The following HAO1 variants were observed in gnomAD, a reference collection of about 807,000 sequenced individuals.
The protein encoded by HAO1 is 2-Hydroxyacid oxidase 1.
A neutral mutation model predicts 39.7 loss-of-function variants in HAO1; 34 were observed. The ratio of observed to expected loss-of-function variants is 0.86; its 90% confidence interval spans 0.65 to 1.14. HAO1 has a LOEUF of 1.14. Ranked by LOEUF, HAO1 falls within the 50% of genes most tolerant of loss-of-function variation. HAO1 has a pLI of 0.00. For missense variants in HAO1, 479 were observed against 464.5 expected (o/e 1.03, Z -0.29); for synonymous variants, 172 against 173.2 (o/e 0.99, Z 0.05).
At chr20:7,910,545 C>T (rs1369541695) in intron 3 of HAO1, among the ~76,000 whole-genome samples, 2 of 152,146 alleles carry the variant, frequency 1.3e-5, no homozygotes, top group East Asian at 3.8e-4. Context: ...ATACCCCCTG[C>T]TTTCCCTGGT....
intron 3 of HAO1, among the ~76,000 whole-genome samples, chr20:7,910,391 A>G (rs1983560): frequency 0.55 from 84,017 of 152,104 alleles, 26,623 homozygotes; most frequent in East Asian, 0.99. Flanking sequence ...ACAGCAATAA[A>G]AATAACATGA....
chr20:7,924,194 G>GTGTTTTTGTTGTTGTTGTTGT (rs78746511), intron 2 of HAO1, among the ~76,000 whole-genome samples: 2 of 148,610 alleles, frequency 1.3e-5, no homozygotes, highest in African/African-American at 5.0e-5. Context: ...AGTTTGGGTT[G>GTGTTTTTGTTGTTGTTGTTGT]TGTTGTTGTT....
rs2050148530 is a variant in HAO1, at chr20:7,885,803, C to T, written c.875G>A (p.Gly292Glu). The T allele has an allele frequency of 5.0e-6, 8 of 1,613,374 alleles. No individual in the cohort carries two copies. The highest frequency in any genetic ancestry group is 6.8e-6 in the Non-Finnish European group (8 of 1,179,446). Reference protein sequence around the residue: ...VEGKVEVFLDGGVRKGTDVLK... With the variant: ...VEGKVEVFLDEGVRKGTDVLK... ...AACATCAGTGCCTTTCCGCACACCC[C>T]CGTCCAGGAAGACTTCCACCTTCCC... The change falls in exon 6 of 8, where the codon GGG (glycine) becomes GAG (glutamate). Residue 292 changes from glycine (G) to glutamate (E), a missense_variant. By Grantham distance (98) the Gly-to-Glu change is moderately conservative. Transcript: ENST00000378789.
chr20:7,886,339 A>T (rs1046600339), intron 5 of HAO1, among the ~76,000 whole-genome samples: 22 of 151,968 alleles, frequency 1.4e-4, no homozygotes, highest in African/African-American at 5.3e-4. Context: ...ATGCCTAGCT[A>T]ATTTTTGTAT....
At chr20:7,928,239 C>T (rs901544311) in intron 2 of HAO1, among the ~76,000 whole-genome samples, 19 of 152,136 alleles carry the variant, frequency 1.2e-4, no homozygotes, top group African/African-American at 4.6e-4. Context: ...CCCTCCAAGG[C>T]TGACATAGTG....
At chr20:7,896,016 G>T (rs2050195972) in intron 4 of HAO1, among the ~76,000 whole-genome samples, 1 of 151,882 alleles carries the variant, frequency 6.6e-6, no homozygotes, top group South Asian at 2.1e-4. Flanking sequence ...AAGTTGCAGT[G>T]AGCCAAGATT....
intron 7 of HAO1, among the ~76,000 whole-genome samples, chr20:7,884,110 A>C (rs2122743800): frequency 6.6e-6 from 1 of 152,344 alleles, no homozygotes; most frequent in Non-Finnish European, 1.5e-5. Context: ...ACCTTCAAAA[A>C]TGCGGTAGCT....
intron 2 of HAO1, among the ~76,000 whole-genome samples, chr20:7,917,271 C>T (rs2050311135): frequency 1.4e-5 from 2 of 143,046 alleles, no homozygotes; most frequent in Non-Finnish European, 3.0e-5. Context: ...ACCCAGGAGG[C>T]GGAGATTGCA....
chr20:7,907,328 G>A (rs1329781221), intron 3 of HAO1, among the ~76,000 whole-genome samples: 1 of 152,114 alleles, frequency 6.6e-6, no homozygotes, highest in African/African-American at 2.4e-5. Context: ...CAGACTGGAG[G>A]CATTAGGGAT....
intron 1 of HAO1, among the ~76,000 whole-genome samples, chr20:7,935,325 G>A (rs1303581431): frequency 1.3e-5 from 2 of 152,092 alleles, no homozygotes; most frequent in Non-Finnish European, 2.9e-5. Flanking sequence ...AAACATTCAC[G>A]TACAGGTTCT....
intron 4 of HAO1, among the ~76,000 whole-genome samples, chr20:7,905,201 C>T (rs1021413383): frequency 8.0e-5 from 12 of 149,114 alleles, no homozygotes; most frequent in African/African-American, 3.1e-4. Context: ...AGAATAAGAA[C>T]ATCTGGATTT....
At chr20:7,937,823 A>T (rs1456375847) in intron 1 of HAO1, among the ~76,000 whole-genome samples, 3 of 152,220 alleles carry the variant, frequency 2.0e-5, no homozygotes, top group African/African-American at 7.2e-5. Context: ...CCACCGTAAG[A>T]AATTTTGTTC....
Position 7,934,410 on chromosome 20 carries a change from C to T in HAO1, c.289+74G>A, listed in dbSNP as rs145913774. The T allele has an allele frequency of 2.7e-5, 29 of 1,093,488 alleles. 1 individual carries two copies. The Middle Eastern group carries it at 6.2e-4, about 23-fold the overall frequency. The allele number at this position is 1,093,488 out of a possible 1,614,324, so 67.7% of individuals were successfully genotyped here. On this transcript the variant is annotated intron_variant, in intron 2 of 7. Transcript: ENST00000378789. ...GTAAAAACATCAAGGAACATATTTG[C>T]TTGGTGCATTCAGAGAAGGAGGTCG...
intron 5 of HAO1, among the ~76,000 whole-genome samples, chr20:7,887,944 A>T (rs2050157619): frequency 6.6e-6 from 1 of 152,124 alleles, no homozygotes; most frequent in African/African-American, 2.4e-5. Flanking sequence ...TACACAAAAT[A>T]ATTCTGATCA....
In HAO1 at chr20:7,934,411, T is replaced by C; in HGVS notation, c.289+73A>G. On this transcript the variant is annotated intron_variant, in intron 2 of 7. Coordinates refer to ENST00000378789, the MANE Select transcript of HAO1 (RefSeq NM_017545.3). The stretch of plus-strand genomic sequence containing the variant: ...TAAAAACATCAAGGAACATATTTGC[T>C]TGGTGCATTCAGAGAAGGAGGTCGA... 2.7e-6 allele frequency: 3 copies of C among 1,103,728 alleles called. No homozygotes were observed. The South Asian group carries it at 4.5e-5, about 17-fold the overall frequency. The allele number at this position is 1,103,728 out of a possible 1,614,324, so 68.4% of individuals were successfully genotyped here.
rs2050136323 is a variant in HAO1 at position 7,883,398 on chromosome 20, T to C, written c.*195A>G. Reference sequence around the variant, plus strand: ...TCCAGGATGAAAGTCCATTTCTTTCTAAAAGGTTCCTAGGACACCCATTGA... The same window carrying C: ...TCCAGGATGAAAGTCCATTTCTTTCCAAAAGGTTCCTAGGACACCCATTGA... On this transcript the variant is annotated 3_prime_UTR_variant, in exon 8 of 8. Coordinates refer to ENST00000378789, the MANE Select transcript of HAO1 (RefSeq NM_017545.3). 5.3e-6 allele frequency: 3 copies of C among 561,892 alleles called. No homozygotes were observed. The South Asian group carries it at 7.6e-5, about 14-fold the overall frequency. 34.8% of individuals were successfully genotyped at this position (561,892 alleles called of 1,614,324 possible).
In HAO1 at chr20:7,883,585, G is replaced by T; in HGVS notation, c.*8C>A. Reference sequence around the variant, plus strand: ...AAAATAATACAGATGGGAAAATATTGTGCACTGTCAGATCTTGGAAACGGC... The same window carrying T: ...AAAATAATACAGATGGGAAAATATTTTGCACTGTCAGATCTTGGAAACGGC... On this transcript the variant is annotated 3_prime_UTR_variant, in exon 8 of 8. Coordinates refer to ENST00000378789, the MANE Select transcript of HAO1 (RefSeq NM_017545.3). 1.2e-6 allele frequency: 2 copies of T among 1,601,198 alleles called. No homozygotes were observed. Among genetic ancestry groups the T allele is most frequent in the Admixed American group, 1.7e-5 (1 of 59,964 alleles).
At chr20:7,896,387 T>C (rs1164132871) in intron 4 of HAO1, among the ~76,000 whole-genome samples, 2 of 152,134 alleles carry the variant, frequency 1.3e-5, no homozygotes, top group Admixed American at 1.3e-4. Context: ...TCATTGGTAA[T>C]CTGTAAAATT....
intron 4 of HAO1, among the ~76,000 whole-genome samples, chr20:7,901,388 T>C (rs2050220785): frequency 6.6e-6 from 1 of 152,214 alleles, no homozygotes. Context: ...AGTCTATTCA[T>C]GGCTGCAAAT....
Sources: gnomAD v4.1 joint callset for allele counts (sites outside exome capture counted in the v4.1 genomes callset) on GRCh38, gnomAD v4.1.1 for gene constraint, MANE v1.5 for transcripts, NCBI Gene and HGNC (gene_info 2026-07-23, HGNC 2026-07-21) for gene names.